The following CACNA1C variants were observed in gnomAD, a reference collection of about 807,000 sequenced individuals.
The protein encoded by CACNA1C is voltage-dependent L-type calcium channel subunit alpha-1C.
CACNA1C carries 30 observed loss-of-function variants against 229.0 expected under a neutral mutation model. That is an observed-to-expected ratio of 0.13 (90% confidence interval 0.10 to 0.18). The LOEUF (loss-of-function observed/expected upper bound fraction) is 0.18, where lower values mean the gene tolerates loss of function less well. CACNA1C is among the 10% of genes least tolerant of loss of function. The pLI is 1.00. For synonymous variants in CACNA1C, 1,114 were observed against 1,132.5 expected (o/e 0.98, Z 0.33); for missense variants, 1,658 against 2,845.0 (o/e 0.58, Z 9.49).
chr12:1,996,636 AAAAAAAAAAAAAAAAAAAAC>A lies in CACNA1C; in HGVS notation c.139+25438_139+25457del, dbSNP rs1262453291. 4.0e-3 allele frequency among the ~76,000 whole-genome samples: 486 copies of A among 120,712 alleles called. 5 individuals are homozygous for A. Among genetic ancestry groups the A allele is most frequent in the Non-Finnish European group, 6.5e-3 (386 of 59,226 alleles). 79.2% of individuals were successfully genotyped at this position (120,712 alleles called of 152,430 possible). ...TGAGCTAAAAAAAAAAAAAAAAAAA[AAAAAAAAAAAAAAAAAAAAC>A]AACAAACTCTTCTAATGTTTTAAAG... On this transcript the variant is annotated intron_variant, in intron 1 of 46. Coordinates refer to the CACNA1C transcript ENST00000682462.
At chr12:2,580,253 T>C (rs190723050) in intron 13 of CACNA1C, among the ~76,000 whole-genome samples, 1 of 152,206 alleles carries the variant, frequency 6.6e-6, no homozygotes, top group Admixed American at 6.5e-5. Context: ...AAAAGCTGGA[T>C]TTGTGGAGGC....
At chr12:2,167,881 C>T (rs986195351) in intron 3 of CACNA1C, among the ~76,000 whole-genome samples, 2 of 152,204 alleles carry the variant, frequency 1.3e-5, no homozygotes, top group Admixed American at 6.5e-5. Flanking sequence ...CCAATGCTCC[C>T]TTCTCCCAGG....
chr12:2,665,836 C>G lies in CACNA1C; in HGVS notation c.4526+128C>G. On this transcript the variant is annotated intron_variant, in intron 36 of 46. Transcript: ENST00000399655. The surrounding 1 kb of genome is among the most constrained non-coding windows in gnomAD (Gnocchi z 5.9). ...TTAGAAACACTGGATTGTATCACAC[C>G]CTAGGGTGAAAGGTCAAGGGCCAGC... The G allele has an allele frequency of 1.1e-6, 1 of 935,074 alleles. No individual in the cohort carries two copies. Among genetic ancestry groups the G allele is most frequent in the Middle Eastern group, 2.3e-4 (1 of 4,354 alleles). The allele number at this position is 935,074 out of a possible 1,614,324, so 57.9% of individuals were successfully genotyped here.
At chr12:2,245,128 C>T (rs138611844) in intron 3 of CACNA1C, among the ~76,000 whole-genome samples, 169 of 152,236 alleles carry the variant, frequency 1.1e-3, no homozygotes, top group South Asian at 2.3e-3. Context: ...GGAGGGGCCG[C>T]GCTGATCGTG....
intron 3 of CACNA1C, among the ~76,000 whole-genome samples, chr12:2,313,943 A>G (rs1240900661): frequency 3.3e-5 from 5 of 152,194 alleles, no homozygotes; most frequent in Non-Finnish European, 1.5e-5. Flanking sequence ...ATGTTTTCCC[A>G]TGGCCAGGGA....
At chr12:2,459,132 G>C (rs1413693171) in intron 5 of CACNA1C, among the ~76,000 whole-genome samples, 1 of 148,276 alleles carries the variant, frequency 6.7e-6, no homozygotes, top group East Asian at 2.0e-4. Flanking sequence ...ACAGGTGCTT[G>C]CCACCATGCC....
At chr12:2,044,429 T>C (rs1486727831) in intron 1 of CACNA1C, among the ~76,000 whole-genome samples, 3 of 151,340 alleles carry the variant, frequency 2.0e-5, no homozygotes, top group Non-Finnish European at 1.5e-5. Flanking sequence ...CTAGATGTAT[T>C]ATGGAGCAAT....
At chr12:2,525,319 G>A (rs553505963) in intron 9 of CACNA1C, among the ~76,000 whole-genome samples, 6 of 152,298 alleles carry the variant, frequency 3.9e-5, no homozygotes, top group Non-Finnish European at 7.4e-5. Context: ...GTGGACAGGC[G>A]GGGAAGGATT....
At chr12:2,307,863 G>T (rs975981278) in intron 3 of CACNA1C, among the ~76,000 whole-genome samples, 13 of 152,142 alleles carry the variant, frequency 8.5e-5, no homozygotes, top group Non-Finnish European at 1.9e-4. Flanking sequence ...TGAAAAGTAA[G>T]GTAGAAACAA....
chr12:2,165,996 G>A (rs1237443493), intron 3 of CACNA1C, among the ~76,000 whole-genome samples: 2 of 152,342 alleles, frequency 1.3e-5, no homozygotes, highest in East Asian at 1.9e-4. Flanking sequence ...CGTGCAGAGG[G>A]CACGTAGTTA....
intron 5 of CACNA1C, among the ~76,000 whole-genome samples, chr12:2,459,336 A>G (rs2099481543): frequency 6.6e-6 from 1 of 151,968 alleles, no homozygotes; most frequent in African/African-American, 2.4e-5. Context: ...ATTTTTACAC[A>G]TATATCCTGT....
intron 3 of CACNA1C, among the ~76,000 whole-genome samples, chr12:2,153,093 C>A (rs112442720): frequency 8.5e-5 from 13 of 152,150 alleles, no homozygotes; most frequent in African/African-American, 3.1e-4. Flanking sequence ...AGACTCATTT[C>A]GGATCTAACT....
intron 34 of CACNA1C, 138 bp from the exon 35 acceptor site, chr12:2,664,687 A>AG (rs1366028953): frequency 5.0e-6 from 3 of 604,172 alleles, no homozygotes; most frequent in Non-Finnish European, 8.2e-6. Context: ...CAGAGCATTC[A>AG]GGGAATGATG....
At chr12:2,490,810 C>G (rs909736777) in intron 6 of CACNA1C, among the ~76,000 whole-genome samples, 1 of 152,202 alleles carries the variant, frequency 6.6e-6, no homozygotes, top group African/African-American at 2.4e-5. Context: ...CTCCTGGGAG[C>G]TGGACCCTGA....
chr12:2,417,204 G>A (rs2098919245), intron 3 of CACNA1C, among the ~76,000 whole-genome samples: 1 of 152,198 alleles, frequency 6.6e-6, no homozygotes, highest in Admixed American at 6.5e-5. Flanking sequence ...TTCCATGCGT[G>A]GGGAGACTCC....
chr12:2,500,146 G>A (rs552340835), intron 7 of CACNA1C, among the ~76,000 whole-genome samples: 3 of 152,188 alleles, frequency 2.0e-5, no homozygotes, highest in South Asian at 4.2e-4. Flanking sequence ...TCCTGCCCTC[G>A]CCTGCTGTTC....
Position 2,633,552 on chromosome 12 carries a change from T to C in CACNA1C, c.3829-745T>C. Reference sequence around the variant, plus strand: ...CACGGAGGTGCCTGGACGATGATTCTGATGGTGGTGTTGCTCTGTTCTTGT... The same window carrying C: ...CACGGAGGTGCCTGGACGATGATTCCGATGGTGGTGTTGCTCTGTTCTTGT... On this transcript the variant is annotated intron_variant, in intron 29 of 46. Transcript: ENST00000399655. The surrounding 1 kb of genome is among the most constrained non-coding windows in gnomAD (Gnocchi z 5.8). The C allele has an allele frequency of 1.2e-6, 1 of 865,854 alleles. No individual in the cohort carries two copies. The highest frequency in any genetic ancestry group is 1.8e-5 in the Admixed American group (1 of 55,494). The allele number at this position is 865,854 out of a possible 1,614,324, so 53.6% of individuals were successfully genotyped here.
intron 7 of CACNA1C, among the ~76,000 whole-genome samples, chr12:2,502,820 A>C (rs1179014870): frequency 2.6e-5 from 4 of 152,310 alleles, no homozygotes; most frequent in Admixed American, 2.0e-4. Context: ...GGGTATTACT[A>C]TCCCACCTGC....
intron 3 of CACNA1C, among the ~76,000 whole-genome samples, chr12:2,436,591 G>A (rs1046883806): frequency 6.6e-6 from 1 of 152,164 alleles, no homozygotes; most frequent in African/African-American, 2.4e-5. Context: ...AGCTAACAGG[G>A]AGGCAGAGCA....
Sources: allele counts gnomAD v4.1 joint callset (sites outside exome capture counted in the v4.1 genomes callset), GRCh38; gene constraint gnomAD v4.1.1; non-coding constraint Gnocchi (gnomAD v3.1); transcripts MANE v1.5; gene names NCBI Gene and HGNC (gene_info 2026-07-23, HGNC 2026-07-21).